LOC128092253: variants seen among roughly 807,000 people sequenced by gnomAD.
At chr6:133,954,031 G>A in the LOC128092253 span, among the ~76,000 whole-genome samples, 4 of 152,322 alleles carry the variant, frequency 2.6e-5, no homozygotes, top group Admixed American at 6.5e-5. Context: ...GCTAAGCAGG[G>A]ATGAGAGTCG....
At chr6:133,968,011 CT>C in the LOC128092253 span, among the ~76,000 whole-genome samples, 332 of 136,014 alleles carry the variant, frequency 2.4e-3, no homozygotes, top group Middle Eastern at 3.8e-3. Context: ...TGACTATTTT[CT>C]TTTTTTTTTT....
the LOC128092253 span, among the ~76,000 whole-genome samples, chr6:133,973,576 G>A: frequency 6.6e-6 from 1 of 152,152 alleles, no homozygotes; most frequent in Non-Finnish European, 1.5e-5. Context: ...CCAGAAGGTG[G>A]CGATGTTTTC....
At chr6:133,961,465 C>CTT in the LOC128092253 span, among the ~76,000 whole-genome samples, 53 of 100,160 alleles carry the variant, frequency 5.3e-4, no homozygotes, top group East Asian at 1.0e-3. Context: ...TTCTTTCTTT[C>CTT]TTTTTTTTTT....
chr6:133,956,450 A>G, the LOC128092253 span, among the ~76,000 whole-genome samples: 1 of 152,204 alleles, frequency 6.6e-6, no homozygotes, highest in Non-Finnish European at 1.5e-5. Flanking sequence ...ACAGACACAA[A>G]TATGAATTTT....
chr6:133,965,247 A>G, the LOC128092253 span, among the ~76,000 whole-genome samples: 1 of 152,206 alleles, frequency 6.6e-6, no homozygotes, highest in Non-Finnish European at 1.5e-5. Flanking sequence ...TTCTCAGTAA[A>G]GAGATGAAAC....
the LOC128092253 span, among the ~76,000 whole-genome samples, chr6:133,965,005 C>G: frequency 2.0e-5 from 3 of 152,146 alleles, no homozygotes; most frequent in African/African-American, 7.2e-5. Context: ...CATTCACACC[C>G]TTGAAATAAA....
At chr6:133,967,442 A>G in the LOC128092253 span, among the ~76,000 whole-genome samples, 1 of 152,256 alleles carries the variant, frequency 6.6e-6, no homozygotes, top group Non-Finnish European at 1.5e-5. Context: ...CTTTAAAGAA[A>G]TACAAATGGT....
At chr6:133,966,807 T>A in the LOC128092253 span, among the ~76,000 whole-genome samples, 1 of 99,734 alleles carries the variant, frequency 1.0e-5, no homozygotes, top group Non-Finnish European at 2.2e-5. Flanking sequence ...TCTACTACTT[T>A]GCATTTTCAA....
chr6:133,978,903 A>G, the LOC128092253 span, among the ~76,000 whole-genome samples: 1 of 152,218 alleles, frequency 6.6e-6, no homozygotes, highest in African/African-American at 2.4e-5. Context: ...TTTAAAAACA[A>G]CTATAGTATG....
At chr6:133,959,147 C>G in the LOC128092253 span, among the ~76,000 whole-genome samples, 3 of 152,012 alleles carry the variant, frequency 2.0e-5, no homozygotes, top group African/African-American at 7.2e-5. Flanking sequence ...TCAAGTGATT[C>G]TTGTGCCTCA....
chr6:133,953,687 C>T, the LOC128092253 span, among the ~76,000 whole-genome samples: 6 of 152,134 alleles, frequency 3.9e-5, no homozygotes, highest in East Asian at 1.2e-3. Flanking sequence ...GTGGGGCGTC[C>T]GTACCTGGGA....
chr6:133,976,328 A>G, the LOC128092253 span, among the ~76,000 whole-genome samples: 1 of 152,222 alleles, frequency 6.6e-6, no homozygotes, highest in Non-Finnish European at 1.5e-5. Flanking sequence ...TTGAACATTT[A>G]CAATGTTTCA....
the LOC128092253 span, among the ~76,000 whole-genome samples, chr6:133,968,136 G>A: frequency 6.6e-5 from 10 of 151,682 alleles, no homozygotes; most frequent in African/African-American, 1.2e-4. Flanking sequence ...CTACAGGCGC[G>A]TGCCACCACG....
At chr6:133,954,910 A>G in the LOC128092253 span, among the ~76,000 whole-genome samples, 1 of 152,294 alleles carries the variant, frequency 6.6e-6, no homozygotes, top group East Asian at 1.9e-4. Context: ...GCTTCAACTC[A>G]GGCGTTTTCA....
chr6:133,960,829 C>T, the LOC128092253 span, among the ~76,000 whole-genome samples: 1 of 151,938 alleles, frequency 6.6e-6, no homozygotes, highest in Non-Finnish European at 1.5e-5. Flanking sequence ...TGAGTTAGAA[C>T]CCTTGGGGAT....
At chr6:133,964,456 T>G in the LOC128092253 span, among the ~76,000 whole-genome samples, 8 of 130,456 alleles carry the variant, frequency 6.1e-5, no homozygotes, top group South Asian at 7.1e-4. Flanking sequence ...GTTTTTTGGG[T>G]TTTTTTTTTT....
At chr6:133,969,983 C>T in the LOC128092253 span, among the ~76,000 whole-genome samples, 1 of 152,184 alleles carries the variant, frequency 6.6e-6, no homozygotes, top group East Asian at 1.9e-4. Flanking sequence ...AACCATCAGT[C>T]TAGTCTCATC....
the LOC128092253 span, among the ~76,000 whole-genome samples, chr6:133,969,857 G>C: frequency 6.6e-6 from 1 of 152,186 alleles, no homozygotes; most frequent in Non-Finnish European, 1.5e-5. Flanking sequence ...TAAACTAACA[G>C]AATAATTCTA....
At chr6:133,965,703 CACTT>C in the LOC128092253 span, among the ~76,000 whole-genome samples, 1 of 151,580 alleles carries the variant, frequency 6.6e-6, no homozygotes. Flanking sequence ...TTATTTTTAC[CACTT>C]ACTTTTAAAC....
Sources: gnomAD v4.1 joint callset for allele counts (sites outside exome capture counted in the v4.1 genomes callset) on GRCh38, gnomAD v4.1.1 for gene constraint, MANE v1.5 for transcripts.